TAFA5: variants seen among roughly 807,000 people sequenced by gnomAD.
The protein encoded by TAFA5 is chemokine-like protein TAFA-5.
In TAFA5, 6 loss-of-function variants were observed where a neutral mutation model predicts 15.3. The observed-to-expected ratio is 0.39, with a 90% CI of 0.21 to 0.77. The LOEUF (loss-of-function observed/expected upper bound fraction) is 0.77, where lower values mean the gene tolerates loss of function less well. Among genes scored for constraint, TAFA5 ranks in the 30% least tolerant of loss-of-function variants. The pLI is 0.41. For synonymous variants in TAFA5, 103 were observed against 80.7 expected (o/e 1.28, Z -1.48); for missense variants, 161 against 193.1 (o/e 0.83, Z 0.98).
chr22:48,635,902 T>G (rs963611799), intron 1 of TAFA5, among the ~76,000 whole-genome samples: 4 of 152,210 alleles, frequency 2.6e-5, no homozygotes, highest in African/African-American at 7.2e-5. Context: ...TCCACCTGCT[T>G]CTGTCGGATT....
At chr22:48,669,220 C>T (rs1037791918) in intron 2 of TAFA5, among the ~76,000 whole-genome samples, 7 of 152,244 alleles carry the variant, frequency 4.6e-5, no homozygotes, top group African/African-American at 1.2e-4. Flanking sequence ...AGCCCCCCAG[C>T]GTGTGGTCTG....
At chr22:48,703,321 A>G (rs1375684917) in intron 2 of TAFA5, among the ~76,000 whole-genome samples, 1 of 151,894 alleles carries the variant, frequency 6.6e-6, no homozygotes, top group East Asian at 1.9e-4. Context: ...GTCCCCCCGG[A>G]CCCCGCCGTC....
At position 48,595,072 on chromosome 22, in the gene TAFA5, G is replaced by C; in HGVS notation, c.113-51525G>C. 2.0e-5 allele frequency among the ~76,000 whole-genome samples: 3 copies of C among 152,244 alleles called. No homozygotes were observed. In the South Asian group the frequency reaches 6.2e-4, roughly 32 times the overall value. ...GGAGTGCTGCCTTGAGCCTGTGACC[G>C]GGTGGTGGTGGTGAGCCTGAATTTG... On this transcript the variant is annotated intron_variant, in intron 1 of 3. Coordinates refer to ENST00000402357, the MANE Select transcript of TAFA5 (RefSeq NM_001082967.3).
chr22:48,659,232 G>A (rs929394377), intron 2 of TAFA5, among the ~76,000 whole-genome samples: 6 of 152,260 alleles, frequency 3.9e-5, no homozygotes, highest in African/African-American at 1.2e-4. Flanking sequence ...CAGCCTTGTT[G>A]CTCGCTGGGC....
chr22:48,603,943 A>T (rs1459163594), intron 1 of TAFA5, among the ~76,000 whole-genome samples: 2 of 152,152 alleles, frequency 1.3e-5, no homozygotes, highest in Non-Finnish European at 2.9e-5. Flanking sequence ...GCCTGGAGGC[A>T]TATTCCCCAT....
intron 1 of TAFA5, among the ~76,000 whole-genome samples, chr22:48,501,158 C>G (rs981517237): frequency 6.6e-6 from 1 of 152,186 alleles, no homozygotes; most frequent in African/African-American, 2.4e-5. Context: ...GTGGTGAGCC[C>G]CTCCCTCCGC....
intron 1 of TAFA5, among the ~76,000 whole-genome samples, chr22:48,579,618 C>T (rs879296115): frequency 2.0e-5 from 3 of 152,134 alleles, no homozygotes; most frequent in Non-Finnish European, 4.4e-5. Flanking sequence ...AAGGAAACGG[C>T]GAGAAGTATA....
chr22:48,539,623 C>CT (rs1452966385), intron 1 of TAFA5, among the ~76,000 whole-genome samples: 4 of 152,332 alleles, frequency 2.6e-5, no homozygotes, highest in Admixed American at 2.6e-4. Flanking sequence ...CTGTGCTGAG[C>CT]TACAGCCAGG....
At chr22:48,593,420 G>A (rs1223089005) in intron 1 of TAFA5, among the ~76,000 whole-genome samples, 1 of 152,114 alleles carries the variant, frequency 6.6e-6, no homozygotes, top group South Asian at 2.1e-4. Context: ...TTTTCAGGCA[G>A]GGAGACTGCT....
chr22:48,503,208 CAG>C (rs1329102503), intron 1 of TAFA5, among the ~76,000 whole-genome samples: 1 of 152,188 alleles, frequency 6.6e-6, no homozygotes, highest in African/African-American at 2.4e-5. Context: ...CAGGGGCTTC[CAG>C]AGAGAAGAGT....
intron 2 of TAFA5, among the ~76,000 whole-genome samples, chr22:48,697,002 C>T (rs1274830761): frequency 6.6e-6 from 1 of 152,196 alleles, no homozygotes; most frequent in African/African-American, 2.4e-5. Flanking sequence ...GATGAGAAAC[C>T]AGGGGCAAAA....
At chr22:48,604,988 G>A (rs1925106770) in intron 1 of TAFA5, among the ~76,000 whole-genome samples, 1 of 151,602 alleles carries the variant, frequency 6.6e-6, no homozygotes, top group African/African-American at 2.4e-5. Flanking sequence ...GGTGGTGATG[G>A]CAATGAGGAG....
chr22:48,538,528 C>G (rs1444514213), intron 1 of TAFA5, among the ~76,000 whole-genome samples: 1 of 152,236 alleles, frequency 6.6e-6, no homozygotes, highest in Non-Finnish European at 1.5e-5. Context: ...AGTCAGCTCT[C>G]CCTGCACTGG....
intron 3 of TAFA5, among the ~76,000 whole-genome samples, chr22:48,735,018 G>A (rs1929969426): frequency 6.6e-6 from 1 of 152,256 alleles, no homozygotes. Context: ...CTCAATCGGA[G>A]AAATCCATGA....
chr22:48,658,113 T>C (rs1927309760), intron 2 of TAFA5, among the ~76,000 whole-genome samples: 1 of 152,162 alleles, frequency 6.6e-6, no homozygotes, highest in African/African-American at 2.4e-5. Flanking sequence ...ATTGCGGCCA[T>C]TAGCAGGGAC....
intron 2 of TAFA5, among the ~76,000 whole-genome samples, chr22:48,652,922 C>T (rs1367361287): frequency 6.6e-6 from 1 of 152,140 alleles, no homozygotes; most frequent in African/African-American, 2.4e-5. Flanking sequence ...CAGCCACATC[C>T]TCAGCCAGGT....
At chr22:48,654,439 C>T (rs1395189217) in intron 2 of TAFA5, among the ~76,000 whole-genome samples, 2 of 152,202 alleles carry the variant, frequency 1.3e-5, no homozygotes, top group African/African-American at 2.4e-5. Flanking sequence ...GCCTTGAACC[C>T]ACCGTCACTC....
intron 1 of TAFA5, among the ~76,000 whole-genome samples, chr22:48,619,096 C>T (rs773334293): frequency 6.6e-6 from 1 of 152,170 alleles, no homozygotes; most frequent in South Asian, 2.1e-4. Context: ...TTTCAACCTC[C>T]ATGTCCTGAT....
intron 1 of TAFA5, among the ~76,000 whole-genome samples, chr22:48,562,374 G>A (rs1050717470): frequency 2.6e-5 from 4 of 152,128 alleles, no homozygotes; most frequent in Admixed American, 6.5e-5. Context: ...TCCTGACCTC[G>A]CGATCTGCCT....
Sources: gnomAD v4.1 joint callset for allele counts (sites outside exome capture counted in the v4.1 genomes callset) on GRCh38, gnomAD v4.1.1 for gene constraint, MANE v1.5 for transcripts, NCBI Gene and HGNC (gene_info 2026-07-23, HGNC 2026-07-21) for gene names.